PSMA1: variants seen among roughly 807,000 people sequenced by gnomAD.
PSMA1 encodes the protein proteasome 20S subunit alpha 1, also known as proteasome subunit alpha type-1.
In PSMA1, 3 loss-of-function variants were observed where a neutral mutation model predicts 38.4. That is an observed-to-expected ratio of 0.08 (90% CI 0.04 to 0.20). PSMA1 has a LOEUF of 0.20. Among genes scored for constraint, PSMA1 ranks in the 10% least tolerant of loss-of-function variants. PSMA1 has a pLI of 1.00. For synonymous variants in PSMA1, 101 were observed against 107.1 expected, an observed-to-expected ratio of 0.94 and a Z score of 0.35; for missense variants, 227 against 325.3, an observed-to-expected ratio of 0.70 and a Z score of 2.32.
chr11:14,541,980 A>G (rs1851777917), intron 2 of PSMA1, among the ~76,000 whole-genome samples: 1 of 152,234 alleles, frequency 6.6e-6, no homozygotes, highest in South Asian at 2.1e-4. Context: ...AGGCAAAATT[A>G]TAACGCATAC....
intron 2 of PSMA1, among the ~76,000 whole-genome samples, chr11:14,581,241 A>G (rs1189873407): frequency 6.6e-6 from 1 of 152,206 alleles, no homozygotes; most frequent in Non-Finnish European, 1.5e-5. Context: ...TTCTAAGGGC[A>G]TATAATTCAT....
Position 14,611,152 on chromosome 11 carries a change from C to A in PSMA1, c.-165-1G>T. 2 of 619,160 alleles carry A rather than the reference C, an allele frequency of 3.2e-6. No homozygotes were observed. Among genetic ancestry groups the A allele is most frequent in the Non-Finnish European group, 5.8e-6 (2 of 346,604 alleles). 38.4% of individuals were successfully genotyped at this position (619,160 alleles called of 1,614,324 possible). A position where few individuals can be genotyped will look rare whatever the true frequency, so the allele number is the denominator to read the frequency against. On this transcript the variant is annotated splice_acceptor_variant, in intron 1 of 10. Coordinates refer to the PSMA1 transcript ENST00000418988. LOFTEE classifies it low-confidence loss of function (5UTR_SPLICE). ...ACATGCTTTTTGCAGGGTGGAATAC[C>A]TGAAAGACAATGGAGAAGGTAAAAG...
rs72632972 is a variant in PSMA1, at chr11:14,582,557, C to T, written c.21+28409G>A. Among the ~76,000 whole-genome samples the T allele has an allele frequency of 8.2e-3, 1,242 of 152,262 alleles. 90 individuals carry two copies. The East Asian group carries it at 0.17, about 20-fold the overall frequency. The stretch of plus-strand genomic sequence containing the variant: ...TTTTTGAGATGGAGTCTCACTCTAT[C>T]ACCACGCTGGAGTATAGTGGCGCCA... On this transcript the variant is annotated intron_variant, in intron 2 of 10. Transcript: ENST00000418988.
rs143607322 is a variant in PSMA1 at position 14,611,891 on chromosome 11, A to T, written c.-165-740T>A. ...ATTTTGAGTGGAATAGAACTTTTGG[A>T]TTCTCCAGCCTCTATCCCCTTCCTT... On this transcript the variant is annotated intron_variant, in intron 1 of 10. Transcript: ENST00000418988. 5.4e-4 allele frequency among the ~76,000 whole-genome samples: 82 copies of T among 152,182 alleles called. 1 individual carries two copies. The East Asian group carries it at 0.014, about 26-fold the overall frequency.
chr11:14,621,808 A>C (rs1010783646), intron 1 of PSMA1, among the ~76,000 whole-genome samples: 3 of 152,218 alleles, frequency 2.0e-5, no homozygotes, highest in Non-Finnish European at 4.4e-5. Context: ...CTTATGGTCA[A>C]GGAGTTAGCT....
intron 2 of PSMA1, among the ~76,000 whole-genome samples, chr11:14,552,864 C>T (rs1319965207): frequency 6.9e-6 from 1 of 145,940 alleles, no homozygotes; most frequent in South Asian, 2.2e-4. Context: ...GGCTTTATCA[C>T]CCAGGCTGGA....
intron 7 of PSMA1, among the ~76,000 whole-genome samples, chr11:14,511,379 G>A (rs564373846): frequency 6.6e-6 from 1 of 151,966 alleles, no homozygotes; most frequent in South Asian, 2.1e-4. Flanking sequence ...ACCCAATATA[G>A]ATGCAAAAAC....
upstream of PSMA1, among the ~76,000 whole-genome samples, chr11:14,523,933 G>T (rs1456212074): frequency 1.3e-5 from 2 of 151,534 alleles, no homozygotes; most frequent in African/African-American, 4.9e-5. Flanking sequence ...GATCAATAAA[G>T]ATATTTTGTA....
chr11:14,514,247 T>C (rs1851391257), intron 5 of PSMA1, 156 bp downstream of exon 5: 1 of 1,370,214 alleles, frequency 7.3e-7, no homozygotes, highest in East Asian at 2.8e-5. Context: ...CAAATATAAA[T>C]TGCTTATAAA....
intron 1 of PSMA1, among the ~76,000 whole-genome samples, chr11:14,623,828 C>T (rs896345689): frequency 2.6e-5 from 4 of 152,316 alleles, no homozygotes; most frequent in South Asian, 4.1e-4. Context: ...AATGTCCAAC[C>T]TGTCAGCAAC....
intron 9 of PSMA1, among the ~76,000 whole-genome samples, chr11:14,506,524 T>A (rs1851247902): frequency 1.3e-5 from 2 of 152,112 alleles, no homozygotes; most frequent in Non-Finnish European, 2.9e-5. Flanking sequence ...TCAATTACAC[T>A]GCTATCAAAT....
chr11:14,609,898 T>C (rs1049390231), intron 2 of PSMA1, among the ~76,000 whole-genome samples: 1 of 152,126 alleles, frequency 6.6e-6, no homozygotes, highest in Non-Finnish European at 1.5e-5. Flanking sequence ...AAAGGGTAAG[T>C]GCAGCAGCAG....
At chr11:14,569,256 G>C (rs1438719105) in intron 2 of PSMA1, among the ~76,000 whole-genome samples, 1 of 152,120 alleles carries the variant, frequency 6.6e-6, no homozygotes, top group African/African-American at 2.4e-5. Context: ...GTTCAAAGAT[G>C]GCCAAATAGG....
chr11:14,573,641 T>C (rs1368773718), intron 2 of PSMA1, among the ~76,000 whole-genome samples: 1 of 152,200 alleles, frequency 6.6e-6, no homozygotes, highest in Non-Finnish European at 1.5e-5. Context: ...CTATTCAATA[T>C]ACTATTGGAA....
intron 1 of PSMA1, among the ~76,000 whole-genome samples, chr11:14,630,440 T>C: frequency 6.6e-6 from 1 of 152,234 alleles, no homozygotes; most frequent in Non-Finnish European, 1.5e-5. Flanking sequence ...TTTTTGTCTT[T>C]GGCTCTGTTT....
chr11:14,625,621 AC>A (rs1196518930), intron 1 of PSMA1, among the ~76,000 whole-genome samples: 17 of 151,920 alleles, frequency 1.1e-4, no homozygotes, highest in African/African-American at 4.1e-4. Flanking sequence ...GAGATGAGGG[AC>A]TCCTTTTAAT....
chr11:14,606,847 A>G (rs1024696463), intron 2 of PSMA1, among the ~76,000 whole-genome samples: 6 of 152,224 alleles, frequency 3.9e-5, no homozygotes, highest in Non-Finnish European at 5.9e-5. Context: ...TAGCAGTCAC[A>G]ATATCACCTG....
intron 2 of PSMA1, among the ~76,000 whole-genome samples, chr11:14,597,456 T>C (rs932019606): frequency 7.9e-5 from 12 of 152,232 alleles, no homozygotes; most frequent in Admixed American, 7.8e-4. Flanking sequence ...TTCAACTTCT[T>C]CCTGGTTTAG....
intron 2 of PSMA1, among the ~76,000 whole-genome samples, chr11:14,532,074 A>C (rs1851653027): frequency 6.6e-6 from 1 of 151,242 alleles, no homozygotes; most frequent in African/African-American, 2.4e-5. Flanking sequence ...ATACCATTTT[A>C]ATTTTTTTCA....
Sources: gnomAD v4.1 joint callset for allele counts (sites outside exome capture counted in the v4.1 genomes callset) on GRCh38, gnomAD v4.1.1 for gene constraint, MANE v1.5 for transcripts, NCBI Gene and HGNC (gene_info 2026-07-23, HGNC 2026-07-21) for gene names.